Variants in RNF166 observed in about 807,000 individuals in gnomAD.
RNF166 encodes the protein ring finger protein 166, also known as E3 ubiquitin-protein ligase RNF166.
In RNF166, 19 loss-of-function variants were observed where a neutral mutation model predicts 29.4. The observed-to-expected ratio is 0.65, with a 90% confidence interval of 0.45 to 0.95. RNF166 has a LOEUF of 0.95. Among genes scored for constraint, RNF166 ranks in the 40% least tolerant of loss-of-function variants. RNF166 has a pLI of 0.00. For synonymous variants in RNF166, 171 were observed against 134.5 expected, an observed-to-expected ratio of 1.27 and a Z score of -1.88; for missense variants, 347 against 322.1, an observed-to-expected ratio of 1.08 and a Z score of -0.59.
chr16:88,700,950 G>C, intron 2 of RNF166: 5 of 1,210,862 alleles, frequency 4.1e-6, no homozygotes, highest in Non-Finnish European at 5.2e-6. Flanking sequence ...GCTGCATTGG[G>C]AAGGTTTCAG....
chr16:88,697,666 G>T, intron 5 of RNF166, 33 bp from the exon 6 acceptor site: 1 of 1,495,146 alleles, frequency 6.7e-7, no homozygotes, highest in Non-Finnish European at 9.1e-7. Context: ...CACCGGGCTC[G>T]AGGGAGACAG....
At chr16:88,699,866 G>C (rs1379249786) in intron 2 of RNF166, 134 bp from the exon 3 acceptor site, 1 of 599,200 alleles carries the variant, frequency 1.7e-6, no homozygotes. Context: ...AGGGGGACCC[G>C]GTCCCTTCTG....
At position 88,698,515 on chromosome 16, in the gene RNF166, TAGG is replaced by T; in HGVS notation, c.632_634del (p.Ser211del). 3 of 1,569,482 alleles carry T rather than the reference TAGG, an allele frequency of 1.9e-6. No homozygotes were observed. Among genetic ancestry groups the T allele is most frequent in the South Asian group, 1.2e-5 (1 of 85,546 alleles). ...CGGGATGCCTACCACAAAGGTGTCG[TAGG>T]AGAACTTGTGTCGGTGAAGCAGGTG... On this transcript the variant is annotated inframe_deletion, in exon 5 of 6. Transcript: ENST00000312838.
chr16:88,706,222 A>T lies in RNF166; in HGVS notation c.104T>A (p.Ile35Asn). The T allele has an allele frequency of 7.6e-7, 1 of 1,324,486 alleles. No individual in the cohort carries two copies. Among genetic ancestry groups the T allele is most frequent in the Admixed American group, 3.3e-5 (1 of 30,612 alleles). The allele number at this position is 1,324,486 out of a possible 1,614,324, so 82.0% of individuals were successfully genotyped here. A position where few individuals can be genotyped will look rare whatever the true frequency, so the allele number is the denominator to read the frequency against. Reference sequence around the variant, plus strand: ...GGGCCGGTGATAGACCTCCAGGCAGATGGGGCAGGTGTACTGCGCCTCCAG... The same window carrying T: ...GGGCCGGTGATAGACCTCCAGGCAGTTGGGGCAGGTGTACTGCGCCTCCAG... ...SGLEAQYTCP[I>N]CLEVYHRPVA... The change falls in exon 1 of 6, where the codon ATC (isoleucine) becomes AAC (asparagine). Residue 35 changes from isoleucine to asparagine, a missense_variant. Coordinates refer to ENST00000312838, the MANE Select transcript of RNF166 (RefSeq NM_178841.4).
Position 88,706,190 on chromosome 16 carries a change from T to G in RNF166, c.136A>C (p.Ile46Leu). 1 of 1,286,952 alleles carries G rather than the reference T, an allele frequency of 7.8e-7. No individual in the cohort carries two copies. The highest frequency in any genetic ancestry group is 9.9e-7 in the Non-Finnish European group (1 of 1,012,086). The allele number at this position is 1,286,952 out of a possible 1,614,324, so 79.7% of individuals were successfully genotyped here. ...CLEVYHRPVAIGSCGHTFCGE... is the reference protein window; with the variant it reads ...CLEVYHRPVALGSCGHTFCGE... ...GCTCACGTGTGGCCGCAGCTGCCGA[T>G]GGCCACGGGCCGGTGATAGACCTCC... The change falls in exon 1 of 6, where the codon ATC becomes CTC. Residue 46 changes from isoleucine (I) to leucine (L), a missense_variant. Coordinates refer to ENST00000312838, the MANE Select transcript of RNF166 (RefSeq NM_178841.4).
chr16:88,704,772 C>T (rs759253176), intron 1 of RNF166, among the ~76,000 whole-genome samples: 5 of 152,132 alleles, frequency 3.3e-5, no homozygotes, highest in South Asian at 2.1e-4. Context: ...GGCAGGTCAC[C>T]GGAGGTCAGG....
chr16:88,701,132 G>T, intron 2 of RNF166, 130 bp downstream of exon 2: 1 of 1,312,274 alleles, frequency 7.6e-7, no homozygotes, highest in Non-Finnish European at 1.1e-6. Context: ...GCTTCCTGGT[G>T]CAGGAGCAGA....
At chr16:88,699,542 G>A in intron 3 of RNF166, 78 bp downstream of exon 3, 1 of 1,155,444 alleles carries the variant, frequency 8.7e-7, no homozygotes, top group South Asian at 1.4e-5. Context: ...GCCTCTCTGG[G>A]ATGGGGCACT....
intron 2 of RNF166, among the ~76,000 whole-genome samples, 160 bp downstream of exon 2, chr16:88,701,102 G>T (rs993523358): frequency 6.6e-6 from 1 of 152,144 alleles, no homozygotes; most frequent in African/African-American, 2.4e-5. Context: ...AGACGGGAGG[G>T]GAGGGAGGCG....
rs558499488 is a variant in RNF166 at position 88,706,341 on chromosome 16, GCGCCGCC to G, written c.-23_-17del. The G allele has an allele frequency of 2.9e-5, 35 of 1,209,236 alleles. No homozygotes were observed. In the East Asian group the frequency reaches 1.0e-3, roughly 36 times the overall value. 74.9% of individuals were successfully genotyped at this position (1,209,236 alleles called of 1,614,324 possible). A position where few individuals can be genotyped will look rare whatever the true frequency, so the allele number is the denominator to read the frequency against. The stretch of plus-strand genomic sequence containing the variant: ...ACATAGCCATCCCGGGGCCAGGCCC[GCGCCGCC>G]CGCCGCCCGCTGTCCTGGCCCGGGC... On this transcript the variant is annotated 5_prime_UTR_variant, in exon 1 of 6. Coordinates refer to ENST00000312838, the MANE Select transcript of RNF166 (RefSeq NM_178841.4).
At chr16:88,697,713 CGT>C (rs1278638306) in intron 5 of RNF166, 80 bp from the exon 6 acceptor site, 4 of 1,026,702 alleles carry the variant, frequency 3.9e-6, no homozygotes, top group Non-Finnish European at 5.9e-6. Context: ...CCCACACAGG[CGT>C]GTCCACCCTT....
Position 88,698,986 on chromosome 16 carries a change from G to A in RNF166, c.525C>T (p.Ser175=), listed in dbSNP as rs373775236. The change falls in exon 4 of 6, where the codon AGC becomes AGT. Residue 175 remains serine (S), a synonymous_variant. Transcript: ENST00000312838. ...LVKHCVESHR[S]DPNRVVCPIC... Reference sequence around the variant, plus strand: ...CACTGCTCACCACGCGGTTGGGGTCGCTGCGGTGGCTTTCCACACAGTGCT... The same window carrying A: ...CACTGCTCACCACGCGGTTGGGGTCACTGCGGTGGCTTTCCACACAGTGCT... The A allele has an allele frequency of 4.4e-6, 7 of 1,598,170 alleles. No individual in the cohort carries two copies. The highest frequency in any genetic ancestry group is 1.3e-5 in the African/African-American group (1 of 74,876).
intron 3 of RNF166, 108 bp downstream of exon 3, chr16:88,699,512 G>T: frequency 1.2e-6 from 1 of 850,448 alleles, no homozygotes; most frequent in Non-Finnish European, 1.8e-6. Flanking sequence ...GAGTGGACCC[G>T]GCCCCGGGTG....
rs1396623566 is a variant in RNF166, at chr16:88,700,825, C to G, written c.312+437G>C. Reference sequence around the variant, plus strand: ...TGTGGCAGTGCCCATCAGCCCGGCTCTGGCCCTCCTGGCAGCTGGAGGGTG... The same window carrying G: ...TGTGGCAGTGCCCATCAGCCCGGCTGTGGCCCTCCTGGCAGCTGGAGGGTG... On this transcript the variant is annotated intron_variant, in intron 2 of 5. Transcript: ENST00000312838. 3.8e-6 allele frequency: 4 copies of G among 1,056,018 alleles called. No individual in the cohort carries two copies. The East Asian group carries it at 2.9e-4, about 77-fold the overall frequency. 65.4% of individuals were successfully genotyped at this position (1,056,018 alleles called of 1,614,324 possible). A position where few individuals can be genotyped will look rare whatever the true frequency, so the allele number is the denominator to read the frequency against.
rs1225494022 is a variant in RNF166, at chr16:88,696,713, G to A, written c.*855C>T. 7.3e-6 allele frequency: 3 copies of A among 412,822 alleles called. No individual in the cohort carries two copies. The highest frequency in any genetic ancestry group is 1.4e-5 in the Non-Finnish European group (3 of 212,090). 25.6% of individuals were successfully genotyped at this position (412,822 alleles called of 1,614,324 possible). A position where few individuals can be genotyped will look rare whatever the true frequency, so the allele number is the denominator to read the frequency against. The stretch of plus-strand genomic sequence containing the variant: ...ACAGCGGGCCAAGGCCAGGACTCTG[G>A]GTGGAGGAGGCCCCTTCTCTGCCGG... On this transcript the variant is annotated 3_prime_UTR_variant, in exon 6 of 6. Transcript: ENST00000312838.
rs962504449 is a variant in RNF166 at position 88,697,393 on chromosome 16, C to T, written c.*175G>A. Reference sequence around the variant, plus strand: ...CCAGGCGGCCCTGCTCTGGCGGCCTCGGCGGCTGGCCCGTATTCAGGCCCG... The same window carrying T: ...CCAGGCGGCCCTGCTCTGGCGGCCTTGGCGGCTGGCCCGTATTCAGGCCCG... On this transcript the variant is annotated 3_prime_UTR_variant, in exon 6 of 6. Transcript: ENST00000312838. The T allele has an allele frequency of 1.0e-4, 56 of 536,266 alleles. No homozygotes were observed. The highest frequency in any genetic ancestry group is 1.6e-4 in the Non-Finnish European group (49 of 298,130). 33.2% of individuals were successfully genotyped at this position (536,266 alleles called of 1,614,324 possible).
At chr16:88,697,844 C>T (rs998943488) in intron 5 of RNF166, 60 of 534,922 alleles carry the variant, frequency 1.1e-4, no homozygotes, top group South Asian at 8.6e-4. Flanking sequence ...CCGCTGGGTA[C>T]GGGGGCACTC....
chr16:88,702,649 C>T (rs1910369836), intron 1 of RNF166: 4 of 966,218 alleles, frequency 4.1e-6, no homozygotes, highest in South Asian at 4.8e-5. Flanking sequence ...CCCACAGAGC[C>T]ACCACCTGGC....
In RNF166 at chr16:88,706,318, A is replaced by G; in HGVS notation, c.8T>C (p.Met3Thr). 2 of 1,227,406 alleles carry G rather than the reference A, an allele frequency of 1.6e-6. No individual in the cohort carries two copies. Among genetic ancestry groups the G allele is most frequent in the Non-Finnish European group, 2.0e-6 (2 of 984,456 alleles). 76.0% of individuals were successfully genotyped at this position (1,227,406 alleles called of 1,614,324 possible). MA[M>T]FRSLVASAQQ... ...AGCCGAGGCCACCAGGCTGCGGAAC[A>G]TAGCCATCCCGGGGCCAGGCCCGCG... Residue 3 changes from methionine to threonine, a missense_variant, in exon 1 of 6, where the codon ATG (methionine) becomes ACG (threonine). By Grantham distance (81) the Met-to-Thr change is moderately conservative (BLOSUM62 -1). Coordinates refer to ENST00000312838, the MANE Select transcript of RNF166 (RefSeq NM_178841.4).
Sources: allele counts gnomAD v4.1 joint callset (sites outside exome capture counted in the v4.1 genomes callset), GRCh38; gene constraint gnomAD v4.1.1; transcripts MANE v1.5; gene names NCBI Gene and HGNC (gene_info 2026-07-23, HGNC 2026-07-21).